Variants in ZNF486 observed in about 807,000 individuals in gnomAD.
The protein encoded by ZNF486 is KRAB box only protein 2.
In ZNF486, 12 loss-of-function variants were observed where a neutral mutation model predicts 12.8. The observed-to-expected ratio is 0.94, with a 90% CI of 0.60 to 1.52. The LOEUF is 1.52. Among genes scored for constraint, ZNF486 ranks in the 40% most tolerant of loss-of-function variants. The probability of loss-of-function intolerance (pLI) is 0.00; values close to 1 mark genes in which losing one functional copy is unlikely to be tolerated. For missense variants in ZNF486, 738 were observed against 545.0 expected, an observed-to-expected ratio of 1.35 and a Z score of -3.53; for synonymous variants, 231 against 184.9, an observed-to-expected ratio of 1.25 and a Z score of -2.02.
Position 20,199,681 on chromosome 19 carries a change from C to T in ZNF486, c.*1579C>T, listed in dbSNP as rs782245737. ...TGAGTCGAGATCATTGCACTCCAGC[C>T]TGGGCAATAAGAGTGAAACTCTGTC... On this transcript the variant is annotated 3_prime_UTR_variant, in exon 4 of 4. Coordinates refer to ENST00000335117, the MANE Select transcript of ZNF486 (RefSeq NM_052852.4). 7 of 151,880 alleles carry T rather than the reference C, an allele frequency of 4.6e-5. No individual in the cohort carries two copies. Among genetic ancestry groups the T allele is most frequent in the Non-Finnish European group, 1.0e-4 (7 of 68,010 alleles). The allele number at this position is 151,880 out of a possible 1,614,324, so 9.4% of individuals were successfully genotyped here.
chr19:20,167,391 G>A, intron 1 of ZNF486, 31 bp downstream of exon 1: 3 of 1,609,840 alleles, frequency 1.9e-6, no homozygotes, highest in South Asian at 1.1e-5. Context: ...TCCTGAGAGA[G>A]GGGAGGGACT....
chr19:20,177,870 C>G (rs111479736), intron 1 of ZNF486, among the ~76,000 whole-genome samples: 11,780 of 151,240 alleles, frequency 0.078, 695 homozygotes, highest in African/African-American at 0.17. Flanking sequence ...GCCACCACAC[C>G]CAGCCAAAAC....
intron 3 of ZNF486, among the ~76,000 whole-genome samples, chr19:20,194,817 A>T (rs960734784): frequency 6.6e-6 from 1 of 152,090 alleles, no homozygotes; most frequent in Non-Finnish European, 1.5e-5. Context: ...TTCTATTCTT[A>T]TATGTGATTT....
At chr19:20,190,884 G>T (rs2089895569) in intron 3 of ZNF486, among the ~76,000 whole-genome samples, 1 of 152,096 alleles carries the variant, frequency 6.6e-6, no homozygotes, top group Non-Finnish European at 1.5e-5. Flanking sequence ...TTGGATGTGG[G>T]ACCTGGTGGG....
intron 1 of ZNF486, among the ~76,000 whole-genome samples, chr19:20,172,572 T>G (rs1195068411): frequency 1.3e-5 from 2 of 152,142 alleles, no homozygotes; most frequent in Non-Finnish European, 2.9e-5. Flanking sequence ...GTGCTGGGAT[T>G]ACATGCATGA....
chr19:20,189,077 C>T lies in ZNF486; in HGVS notation c.253+2995C>T, dbSNP rs941739203. ...AATATGTCTTCCAGGTCCTGTGTTG[C>T]TTTTCTTTTTTTCTAGAGATGGATT... On this transcript the variant is annotated intron_variant, in intron 3 of 3. Coordinates refer to ENST00000335117, the MANE Select transcript of ZNF486 (RefSeq NM_052852.4). Among the ~76,000 whole-genome samples the T allele has an allele frequency of 1.2e-4, 18 of 152,058 alleles. 1 individual carries two copies. The East Asian group carries it at 1.5e-3, about 13-fold the overall frequency.
intron 3 of ZNF486, among the ~76,000 whole-genome samples, chr19:20,186,477 A>G (rs1555716462): frequency 6.6e-6 from 1 of 152,144 alleles, no homozygotes; most frequent in Non-Finnish European, 1.5e-5. Context: ...AATGTGTGAC[A>G]GTATTAGTTT....
intron 3 of ZNF486, among the ~76,000 whole-genome samples, chr19:20,187,216 C>G (rs1014287075): frequency 1.3e-5 from 2 of 152,114 alleles, no homozygotes; most frequent in Admixed American, 6.5e-5. Context: ...TGAGACCATA[C>G]ATACACTTGT....
In ZNF486 at chr19:20,184,236, G is replaced by T; in HGVS notation, c.31-120G>T. The T allele has an allele frequency of 2.8e-6, 4 of 1,404,958 alleles. No individual in the cohort carries two copies. The South Asian group carries it at 4.0e-5, about 14-fold the overall frequency. The allele number at this position is 1,404,958 out of a possible 1,614,324, so 87.0% of individuals were successfully genotyped here. On this transcript the variant is annotated intron_variant, in intron 1 of 3. Coordinates refer to ENST00000335117, the MANE Select transcript of ZNF486 (RefSeq NM_052852.4). ...TTTCTGTATTGAAAATTATTTTATTGGATAATTTTAGTCAATCCTATAAGT... is the reference window on the plus strand; with the variant it reads ...TTTCTGTATTGAAAATTATTTTATTTGATAATTTTAGTCAATCCTATAAGT...
At chr19:20,186,758 T>C (rs2089851179) in intron 3 of ZNF486, among the ~76,000 whole-genome samples, 1 of 151,650 alleles carries the variant, frequency 6.6e-6, no homozygotes, top group African/African-American at 2.4e-5. Flanking sequence ...TAAAATTTAT[T>C]TGGATCTTCT....
At position 20,198,254 on chromosome 19, in the gene ZNF486, C is replaced by G. The variant is rs991226274; in HGVS notation, c.*152C>G. The G allele has an allele frequency of 1.5e-6, 1 of 650,596 alleles. No individual in the cohort carries two copies. Among genetic ancestry groups the G allele is most frequent in the Non-Finnish European group, 2.6e-6 (1 of 379,580 alleles). 40.3% of individuals were successfully genotyped at this position (650,596 alleles called of 1,614,324 possible). A position where few individuals can be genotyped will look rare whatever the true frequency, so the allele number is the denominator to read the frequency against. ...TAGTAGCTAGGATTACAGGGCTGCA[C>G]CACCACACCTGGCTAATTTTGTATT... On this transcript the variant is annotated 3_prime_UTR_variant, in exon 4 of 4. Coordinates refer to ENST00000335117, the MANE Select transcript of ZNF486 (RefSeq NM_052852.4).
chr19:20,190,659 A>AT (rs1270723768), intron 3 of ZNF486, among the ~76,000 whole-genome samples: 6 of 152,354 alleles, frequency 3.9e-5, no homozygotes, highest in African/African-American at 1.4e-4. Context: ...TGTTAGGGTT[A>AT]TAGGCAAGAG....
rs368297601 is a variant in ZNF486, at chr19:20,175,538, T to G, written c.30+8178T>G. On this transcript the variant is annotated intron_variant, in intron 1 of 3. Coordinates refer to ENST00000335117, the MANE Select transcript of ZNF486 (RefSeq NM_052852.4). ...ATTAGGGAGTGGTGATGACTCTTAA[T>G]GAGCATGCTGCCTTCAAGCATCTGT... is the stretch of plus-strand genomic sequence containing the variant. Among the ~76,000 whole-genome samples the G allele has an allele frequency of 3.1e-4, 47 of 150,978 alleles. No individual in the cohort carries two copies. In the South Asian group the frequency reaches 6.6e-3, roughly 21 times the overall value.
In ZNF486 at chr19:20,189,614, G is replaced by A. The variant is rs138736670; in HGVS notation, c.253+3532G>A. Among the ~76,000 whole-genome samples the A allele has an allele frequency of 9.2e-3, 1,401 of 152,018 alleles. 24 individuals are homozygous for A. The highest frequency in any genetic ancestry group is 0.032 in the African/African-American group (1,343 of 41,478). ...AGTAATTTTGTGCATTCTTTCAAAT[G>A]CTTTTTCCCATTTGTGTAGTTTTTT... is the stretch of plus-strand genomic sequence containing the variant. On this transcript the variant is annotated intron_variant, in intron 3 of 3. Transcript: ENST00000335117.
chr19:20,182,996 C>A (rs1555715813), intron 1 of ZNF486, among the ~76,000 whole-genome samples: 2 of 152,136 alleles, frequency 1.3e-5, no homozygotes, highest in East Asian at 3.9e-4. Flanking sequence ...TTAGTACTCA[C>A]AAACCTTTAC....
chr19:20,167,335 C>G lies in ZNF486; in HGVS notation c.5C>G (p.Pro2Arg). The change falls in exon 1 of 4, where the codon CCG (proline) becomes CGG (arginine). Residue 2 changes from proline to arginine, a missense_variant. Physicochemically the swap from Pro to Arg is moderately radical, Grantham distance 103. Coordinates refer to ENST00000335117, the MANE Select transcript of ZNF486 (RefSeq NM_052852.4). MPGPLRSLEMES... is the reference protein window; with the variant it reads MRGPLRSLEMES... ...ATTGGGAGATCCACAGCCAAGATGCCGGGACCCCTTAGAAGCCTAGAAATG... is the reference window on the plus strand; with the variant it reads ...ATTGGGAGATCCACAGCCAAGATGCGGGGACCCCTTAGAAGCCTAGAAATG... 6.2e-7 allele frequency: 1 copy of G among 1,613,952 alleles called. No homozygotes were observed.
At chr19:20,191,295 C>T (rs949114212) in intron 3 of ZNF486, among the ~76,000 whole-genome samples, 1 of 150,568 alleles carries the variant, frequency 6.6e-6, no homozygotes, top group Non-Finnish European at 1.5e-5. Context: ...CATGGTGAAA[C>T]CCCGTCTCTA....
chr19:20,174,217 C>G (rs1275641675), intron 1 of ZNF486, among the ~76,000 whole-genome samples: 21 of 152,106 alleles, frequency 1.4e-4, no homozygotes, highest in African/African-American at 4.8e-4. Flanking sequence ...TATTTGCAGG[C>G]TGAAGTACTT....
chr19:20,188,696 A>C, intron 3 of ZNF486: 1 of 372,822 alleles, frequency 2.7e-6, no homozygotes, highest in Non-Finnish European at 4.7e-6. Context: ...GTATATTCTC[A>C]TTGTTATGTA....
Sources: gnomAD v4.1 joint callset for allele counts (sites outside exome capture counted in the v4.1 genomes callset) on GRCh38, gnomAD v4.1.1 for gene constraint, MANE v1.5 for transcripts, NCBI Gene and HGNC (gene_info 2026-07-23, HGNC 2026-07-21) for gene names.